Variants in SLC1A2 observed in about 807,000 individuals in gnomAD.
SLC1A2 encodes the protein solute carrier family 1 member 2.
Under a neutral mutation model 48.8 loss-of-function variants are expected in SLC1A2, and 15 were observed. The observed-to-expected ratio is 0.31, with a 90% CI of 0.21 to 0.47. The LOEUF (loss-of-function observed/expected upper bound fraction) is 0.47, where lower values mean the gene tolerates loss of function less well. SLC1A2 is among the 20% of genes least tolerant of loss of function. The pLI, the probability that SLC1A2 is intolerant of heterozygous loss-of-function variation, is 0.99. For missense variants in SLC1A2, 502 were observed against 730.5 expected (o/e 0.69, Z 3.61); for synonymous variants, 279 against 272.6 (o/e 1.02, Z -0.23).
chr11:35,375,390 G>A (rs867158603), intron 1 of SLC1A2, among the ~76,000 whole-genome samples: 1 of 152,208 alleles, frequency 6.6e-6, no homozygotes, highest in Admixed American at 6.5e-5. Flanking sequence ...GGGAAGAGAG[G>A]AGACACAGGT....
intron 1 of SLC1A2, among the ~76,000 whole-genome samples, chr11:35,395,494 G>T (rs888118851): frequency 6.6e-6 from 1 of 151,936 alleles, no homozygotes; most frequent in African/African-American, 2.4e-5. Flanking sequence ...AGCATAGCCA[G>T]CACCCGGAAG....
intron 9 of SLC1A2, among the ~76,000 whole-genome samples, chr11:35,269,166 GA>G (rs1396116943): frequency 6.6e-6 from 1 of 152,178 alleles, no homozygotes; most frequent in African/African-American, 2.4e-5. Flanking sequence ...ATGTGAGGCA[GA>G]GTGAAAAGAT....
chr11:35,395,008 A>G (rs1854907399), intron 1 of SLC1A2, among the ~76,000 whole-genome samples: 1 of 152,112 alleles, frequency 6.6e-6, no homozygotes, highest in South Asian at 2.1e-4. Context: ...ACCCCCGAGG[A>G]GAGCGTCTTC....
At chr11:35,279,165 T>A (rs1353650435) in intron 9 of SLC1A2, among the ~76,000 whole-genome samples, 1 of 152,232 alleles carries the variant, frequency 6.6e-6, no homozygotes, top group African/African-American at 2.4e-5. Context: ...ACTCTGTGCC[T>A]CTGACATTGA....
rs1176682406 is a variant in SLC1A2 at position 35,253,472 on chromosome 11, T to C, written c.*7422A>G. ...CATTCTGATCTAGGAATAATCCTAC[T>C]ATTAATACCTTGTCTTTGATAGTCT... On this transcript the variant is annotated 3_prime_UTR_variant, in exon 11 of 11. Coordinates refer to ENST00000278379, the MANE Select transcript of SLC1A2 (RefSeq NM_004171.4). 6.6e-6 allele frequency: 1 copy of C among 152,642 alleles called. No homozygotes were observed. Among genetic ancestry groups the C allele is most frequent in the Non-Finnish European group, 1.5e-5 (1 of 68,038 alleles). 9.5% of individuals were successfully genotyped at this position (152,642 alleles called of 1,614,324 possible). A position where few individuals can be genotyped will look rare whatever the true frequency, so the allele number is the denominator to read the frequency against.
chr11:35,284,087 T>TATATATATATATATATATATA (rs1850729531), intron 8 of SLC1A2, among the ~76,000 whole-genome samples: 35 of 115,828 alleles, frequency 3.0e-4, no homozygotes, highest in African/African-American at 9.8e-4. Flanking sequence ...GAAGATTTTA[T>TATATATATATATATATATATA]TATATATATA....
intron 1 of SLC1A2, among the ~76,000 whole-genome samples, chr11:35,368,406 A>G (rs1391317885): frequency 6.6e-6 from 1 of 152,222 alleles, no homozygotes. Flanking sequence ...GGGGATAATC[A>G]TAGTCCCTAC....
chr11:35,357,973 C>T (rs549059825), intron 1 of SLC1A2, among the ~76,000 whole-genome samples: 12 of 152,154 alleles, frequency 7.9e-5, no homozygotes, highest in African/African-American at 1.7e-4. Flanking sequence ...GGTAAAACCC[C>T]GTCTCTACCA....
At chr11:35,395,100 T>C (rs1028739615) in intron 1 of SLC1A2, among the ~76,000 whole-genome samples, 3 of 152,004 alleles carry the variant, frequency 2.0e-5, no homozygotes, top group Non-Finnish European at 4.4e-5. Flanking sequence ...CAATGGGCTC[T>C]CCCTGAGTAG....
chr11:35,372,917 G>C (rs1854104212), intron 1 of SLC1A2, among the ~76,000 whole-genome samples: 1 of 152,178 alleles, frequency 6.6e-6, no homozygotes, highest in African/African-American at 2.4e-5. Flanking sequence ...TCATTTTACA[G>C]GTGGGGAAAC....
intron 4 of SLC1A2, among the ~76,000 whole-genome samples, chr11:35,311,871 G>GGAGAGA (rs367980308): frequency 3.6e-5 from 3 of 83,322 alleles, no homozygotes; most frequent in African/African-American, 1.3e-4. Flanking sequence ...ATAGATATAA[G>GGAGAGA]GAGAGAGAGA....
intron 10 of SLC1A2, among the ~76,000 whole-genome samples, chr11:35,262,399 G>A (rs1053751573): frequency 3.3e-5 from 5 of 152,142 alleles, no homozygotes; most frequent in Admixed American, 6.5e-5. Context: ...TTTTTTTGGC[G>A]TTTCCTTTCT....
chr11:35,315,257 T>G, intron 2 of SLC1A2, 82 bp from the exon 3 acceptor site: 1 of 1,007,142 alleles, frequency 9.9e-7, no homozygotes, highest in Non-Finnish European at 1.5e-6. Flanking sequence ...TCAGCAACAT[T>G]GACCTTTCTC....
chr11:35,418,568 C>G (rs1051853731), intron 1 of SLC1A2: 1 of 206,774 alleles, frequency 4.8e-6, no homozygotes, highest in South Asian at 1.1e-4. Context: ...CACCTGCAAG[C>G]CCGCCTCGGG....
chr11:35,384,926 T>C (rs1162442795), intron 1 of SLC1A2, among the ~76,000 whole-genome samples: 1 of 152,222 alleles, frequency 6.6e-6, no homozygotes, highest in Non-Finnish European at 1.5e-5. Context: ...TACACAATTG[T>C]GTACCCAAAA....
At chr11:35,381,633 A>G in intron 1 of SLC1A2, among the ~76,000 whole-genome samples, 1 of 152,046 alleles carries the variant, frequency 6.6e-6, no homozygotes, top group East Asian at 1.9e-4. Context: ...ACTGAAGTAC[A>G]AGCCACAGCC....
intron 8 of SLC1A2, among the ~76,000 whole-genome samples, chr11:35,284,326 A>T (rs1285596082): frequency 6.6e-6 from 1 of 151,968 alleles, no homozygotes; most frequent in Non-Finnish European, 1.5e-5. Context: ...GGCTGTTTCT[A>T]GGATCACAAG....
intron 1 of SLC1A2, among the ~76,000 whole-genome samples, chr11:35,350,313 A>G (rs749297526): frequency 6.6e-6 from 1 of 152,110 alleles, no homozygotes; most frequent in Non-Finnish European, 1.5e-5. Flanking sequence ...GTCTTGTTTT[A>G]TCTTGTAGGA....
intron 2 of SLC1A2, chr11:35,315,409 C>T (rs1042048301): frequency 2.6e-6 from 1 of 385,412 alleles, no homozygotes; most frequent in South Asian, 3.4e-5. Flanking sequence ...TCAAGGAGAA[C>T]TCAAGGCTTT....
Sources: allele counts gnomAD v4.1 joint callset (sites outside exome capture counted in the v4.1 genomes callset), GRCh38; gene constraint gnomAD v4.1.1; transcripts MANE v1.5; gene names NCBI Gene and HGNC (gene_info 2026-07-23, HGNC 2026-07-21).